FZD3: variants seen among roughly 807,000 people sequenced by gnomAD.
The protein encoded by FZD3 is frizzled class receptor 3.
Under a neutral mutation model 60.7 loss-of-function variants are expected in FZD3, and 30 were observed. That is an observed-to-expected ratio of 0.49 (90% confidence interval 0.37 to 0.67). The LOEUF is 0.67. FZD3 is among the 30% of genes least tolerant of loss of function. FZD3 has a pLI of 0.00. For missense variants in FZD3, 605 were observed against 838.7 expected (o/e 0.72, Z 3.44); for synonymous variants, 246 against 275.2 (o/e 0.89, Z 1.05).
At chr8:28,522,293 A>C (rs1804602471) in intron 4 of FZD3, among the ~76,000 whole-genome samples, 1 of 151,948 alleles carries the variant, frequency 6.6e-6, no homozygotes, top group Non-Finnish European at 1.5e-5. Context: ...AAACAGTGTT[A>C]TTTAAGGACC....
chr8:28,516,801 G>T (rs1804440218), intron 3 of FZD3, among the ~76,000 whole-genome samples: 1 of 150,464 alleles, frequency 6.6e-6, no homozygotes, highest in Admixed American at 6.6e-5. Flanking sequence ...TCTTTTTATT[G>T]TTTGTTTTCC....
rs1251295605 is a variant in FZD3 at position 28,551,616 on chromosome 8, G to T, written c.1418G>T (p.Ser473Ile). 32 of 1,606,356 alleles carry T rather than the reference G, an allele frequency of 2.0e-5. No homozygotes were observed. The highest frequency in any genetic ancestry group is 2.6e-5 in the Non-Finnish European group (31 of 1,174,752). The change falls in exon 6 of 8, where the codon AGT (serine) becomes ATT (isoleucine). Residue 473 changes from serine (S) to isoleucine (I), a missense_variant. Physicochemically the swap from Ser to Ile is moderately radical, Grantham distance 142. Coordinates refer to ENST00000240093, the MANE Select transcript of FZD3 (RefSeq NM_017412.4). ...CTGTTCTTCCAGGTTACTCAAATGA[G>T]TCGTCCAGACTTGATTCTCTTTCTG... ...IPCPYQVTQMSRPDLILFLMK... is the reference protein window; with the variant it reads ...IPCPYQVTQMIRPDLILFLMK...
chr8:28,573,938 T>A lies in FZD3; in HGVS notation c.*10927T>A, dbSNP rs922016427. ...AGAAAGTGTTTATGCTAAAGACTTG[T>A]ATTTTGTGGCATTAGTTCTTCATGT... On this transcript the variant is annotated 3_prime_UTR_variant, in exon 8 of 8. Transcript: ENST00000240093. 6.6e-6 allele frequency: 1 copy of A among 152,190 alleles called. No individual in the cohort carries two copies. Among genetic ancestry groups the A allele is most frequent in the African/African-American group, 2.4e-5 (1 of 41,470 alleles). 9.4% of individuals were successfully genotyped at this position (152,190 alleles called of 1,614,324 possible). A position where few individuals can be genotyped will look rare whatever the true frequency, so the allele number is the denominator to read the frequency against.
chr8:28,496,672 G>A (rs1370738077), intron 1 of FZD3, among the ~76,000 whole-genome samples: 1 of 152,136 alleles, frequency 6.6e-6, no homozygotes, highest in Non-Finnish European at 1.5e-5. Flanking sequence ...TTACTGGCTA[G>A]GAAAGAGTTT....
At chr8:28,557,964 C>T (rs571068181) in intron 7 of FZD3, among the ~76,000 whole-genome samples, 8 of 152,284 alleles carry the variant, frequency 5.3e-5, no homozygotes, top group African/African-American at 1.7e-4. Context: ...GAAAGCTTCG[C>T]AAAAGAGATG....
chr8:28,527,085 T>C lies in FZD3; in HGVS notation c.387-62T>C. 7.2e-7 allele frequency: 1 copy of C among 1,397,856 alleles called. No homozygotes were observed. Among genetic ancestry groups the C allele is most frequent in the Non-Finnish European group, 9.8e-7 (1 of 1,021,854 alleles). 86.6% of individuals were successfully genotyped at this position (1,397,856 alleles called of 1,614,324 possible). A position where few individuals can be genotyped will look rare whatever the true frequency, so the allele number is the denominator to read the frequency against. ...GAGTGCCAGATTTGGAAATCCAAAC[T>C]GTTAGATCGTGATAGATTTCCCCAT... is the stretch of plus-strand genomic sequence containing the variant. On this transcript the variant is annotated intron_variant, in intron 4 of 7. Transcript: ENST00000240093. The surrounding 1 kb of genome is among the most constrained non-coding windows in gnomAD (Gnocchi z 5.0).
At chr8:28,523,461 G>C (rs530872080) in intron 4 of FZD3, among the ~76,000 whole-genome samples, 4 of 151,938 alleles carry the variant, frequency 2.6e-5, no homozygotes, top group South Asian at 2.1e-4. Context: ...ATAGGATCTC[G>C]CTGTGTTGCC....
chr8:28,501,007 GC>G (rs1803974883), intron 2 of FZD3, among the ~76,000 whole-genome samples: 1 of 152,154 alleles, frequency 6.6e-6, no homozygotes, highest in Non-Finnish European at 1.5e-5. Context: ...TGATCCGCCT[GC>G]CTCGGCCTCC....
chr8:28,553,315 G>A (rs943096164), intron 6 of FZD3, among the ~76,000 whole-genome samples: 3 of 152,142 alleles, frequency 2.0e-5, no homozygotes, highest in Non-Finnish European at 2.9e-5. Context: ...ACTACTTTTG[G>A]ATACCAATGA....
chr8:28,521,275 A>G (rs1356614516), intron 4 of FZD3, among the ~76,000 whole-genome samples: 2 of 152,184 alleles, frequency 1.3e-5, no homozygotes, highest in Admixed American at 6.5e-5. Context: ...AATCCAGAAA[A>G]TGTCAAATAC....
chr8:28,551,257 C>T (rs1462949945), intron 5 of FZD3, among the ~76,000 whole-genome samples: 2 of 152,176 alleles, frequency 1.3e-5, no homozygotes, highest in East Asian at 1.9e-4. Context: ...TTGGGCCAGG[C>T]GCAGTGGCTC....
At chr8:28,552,725 TATTTACTA>T (rs1371990337) in intron 6 of FZD3, among the ~76,000 whole-genome samples, 1 of 152,208 alleles carries the variant, frequency 6.6e-6, no homozygotes, top group Non-Finnish European at 1.5e-5. Flanking sequence ...ATAAAGTTTA[TATTTACTA>T]AAATACCAGT....
chr8:28,562,727 TG>T (rs1805635350), intron 7 of FZD3, 70 bp from the exon 8 acceptor site: 13 of 937,132 alleles, frequency 1.4e-5, no homozygotes, highest in Non-Finnish European at 2.0e-5. Context: ...GGCATTTTTA[TG>T]AAAATTATTA....
chr8:28,499,679 T>C (rs1803939477), intron 1 of FZD3, among the ~76,000 whole-genome samples: 1 of 152,178 alleles, frequency 6.6e-6, no homozygotes, highest in Non-Finnish European at 1.5e-5. Context: ...CACCCTATAC[T>C]GTGTTCTATC....
At chr8:28,537,371 C>T (rs1278109459) in intron 5 of FZD3, among the ~76,000 whole-genome samples, 1 of 152,186 alleles carries the variant, frequency 6.6e-6, no homozygotes. Context: ...GCAGAAATAC[C>T]TGATATGCAA....
chr8:28,510,279 G>T (rs1804251328), intron 3 of FZD3, among the ~76,000 whole-genome samples: 2 of 152,088 alleles, frequency 1.3e-5, no homozygotes, highest in Admixed American at 6.5e-5. Context: ...GTCTTTTACT[G>T]TTACAATGTT....
chr8:28,511,938 A>G (rs1274318765), intron 3 of FZD3, among the ~76,000 whole-genome samples: 1 of 152,122 alleles, frequency 6.6e-6, no homozygotes, highest in Non-Finnish European at 1.5e-5. Context: ...TAATTCATGA[A>G]CTTTATAAAC....
chr8:28,520,724 T>C lies in FZD3; in HGVS notation c.276T>C (p.Tyr92=), dbSNP rs1450416457. 1 of 1,612,480 alleles carries C rather than the reference T, an allele frequency of 6.2e-7. No individual in the cohort carries two copies. The highest frequency in any genetic ancestry group is 1.3e-5 in the African/African-American group (1 of 74,924). ...CALYAPICME[Y]GRVTLPCRRL... ...TCTACGCTCCTATTTGTATGGAATA[T>C]GGACGTGTCACACTTCCCTGTCGTA... Residue 92 remains tyrosine (Y), a synonymous_variant, in exon 4 of 8, where the codon TAT becomes TAC. Coordinates refer to ENST00000240093, the MANE Select transcript of FZD3 (RefSeq NM_017412.4).
intron 7 of FZD3, among the ~76,000 whole-genome samples, chr8:28,557,981 C>G (rs1805543571): frequency 6.6e-6 from 1 of 152,190 alleles, no homozygotes; most frequent in African/African-American, 2.4e-5. Context: ...GATGGCACTT[C>G]TACATTGAAT....
Sources: gnomAD v4.1 joint callset for allele counts (sites outside exome capture counted in the v4.1 genomes callset) on GRCh38, gnomAD v4.1.1 for gene constraint, Gnocchi (gnomAD v3.1) non-coding constraint, MANE v1.5 for transcripts, NCBI Gene and HGNC (gene_info 2026-07-23, HGNC 2026-07-21) for gene names.